The following ROBO2 variants were observed in gnomAD, a reference collection of about 807,000 sequenced individuals.
ROBO2 encodes roundabout guidance receptor 2.
A neutral mutation model predicts 160.8 loss-of-function variants in ROBO2; 53 were observed. That is an observed-to-expected ratio of 0.33 (90% CI 0.26 to 0.41). The LOEUF (loss-of-function observed/expected upper bound fraction) is 0.41, where lower values mean the gene tolerates loss of function less well. Ranked by LOEUF, ROBO2 falls within the 10% of genes least tolerant of loss-of-function variation. ROBO2 has a pLI of 1.00. For missense variants in ROBO2, 1,577 were observed against 1,722.4 expected (o/e 0.92, Z 1.49); for synonymous variants, 664 against 611.7 (o/e 1.09, Z -1.26).
intron 2 of ROBO2, among the ~76,000 whole-genome samples, chr3:76,914,643 G>C (rs1335196357): frequency 3.9e-5 from 6 of 152,092 alleles, no homozygotes. Context: ...GCTGAGTGCA[G>C]TTATTGGGAC....
At chr3:77,455,308 T>C (rs1431947661) in intron 2 of ROBO2, among the ~76,000 whole-genome samples, 2 of 152,142 alleles carry the variant, frequency 1.3e-5, no homozygotes, top group Non-Finnish European at 2.9e-5. Flanking sequence ...AACTTTTAAG[T>C]TACGCTAATG....
At chr3:76,926,939 GA>G (rs533495661) in intron 2 of ROBO2, among the ~76,000 whole-genome samples, 1 of 151,176 alleles carries the variant, frequency 6.6e-6, no homozygotes, top group African/African-American at 2.4e-5. Flanking sequence ...AATAATGGTG[GA>G]AAAAAATTGT....
intron 2 of ROBO2, among the ~76,000 whole-genome samples, chr3:77,015,487 C>T (rs1486289625): frequency 6.6e-6 from 1 of 152,142 alleles, no homozygotes; most frequent in African/African-American, 2.4e-5. Context: ...AAATATTTAA[C>T]CTATAACCAT....
chr3:77,512,208 A>G (rs1470176187), intron 5 of ROBO2, among the ~76,000 whole-genome samples: 5 of 151,972 alleles, frequency 3.3e-5, no homozygotes, highest in African/African-American at 7.2e-5. Flanking sequence ...ATTGAAGATT[A>G]AGAAAGCATC....
At chr3:77,403,573 A>AGT (rs57545425) in intron 2 of ROBO2, among the ~76,000 whole-genome samples, 2,951 of 129,300 alleles carry the variant, frequency 0.023, 40 homozygotes, top group South Asian at 0.03. Context: ...TAGTTATTTC[A>AGT]GTGTGTGTGT....
chr3:76,299,011 GT>G (rs1387840466), intron 2 of ROBO2, among the ~76,000 whole-genome samples: 3 of 152,122 alleles, frequency 2.0e-5, no homozygotes, highest in Non-Finnish European at 4.4e-5. Context: ...TCACCCATTT[GT>G]TTAACAAATA....
At chr3:76,868,533 T>C (rs540216286) in intron 2 of ROBO2, among the ~76,000 whole-genome samples, 16 of 152,332 alleles carry the variant, frequency 1.1e-4, no homozygotes, top group African/African-American at 3.6e-4. Flanking sequence ...AATAAAAAAT[T>C]GCATGGGTAA....
At chr3:76,867,528 A>G (rs1228967094) in intron 2 of ROBO2, among the ~76,000 whole-genome samples, 4 of 152,314 alleles carry the variant, frequency 2.6e-5, no homozygotes, top group Non-Finnish European at 4.4e-5. Flanking sequence ...CTAAAGCTCA[A>G]TTTGGGGACA....
intron 2 of ROBO2, among the ~76,000 whole-genome samples, chr3:76,105,399 C>CTGTA (rs2069878920): frequency 6.6e-6 from 1 of 152,120 alleles, no homozygotes. Flanking sequence ...ACATGTTGAA[C>CTGTA]TGTAGTAAGA....
chr3:77,301,851 A>G (rs2062684374), intron 2 of ROBO2, among the ~76,000 whole-genome samples: 1 of 151,212 alleles, frequency 6.6e-6, no homozygotes, highest in South Asian at 2.1e-4. Flanking sequence ...CCTCAGAGAA[A>G]TTACTTGACC....
intron 2 of ROBO2, among the ~76,000 whole-genome samples, chr3:76,418,171 C>G (rs2075830572): frequency 2.0e-5 from 3 of 151,490 alleles, no homozygotes; most frequent in Admixed American, 1.3e-4. Context: ...AATTATATAA[C>G]TAGGGACTTG....
chr3:77,508,968 A>G (rs933271523), intron 5 of ROBO2, among the ~76,000 whole-genome samples: 1 of 152,042 alleles, frequency 6.6e-6, no homozygotes, highest in African/African-American at 2.4e-5. Flanking sequence ...GCTTCAACAA[A>G]ACACAGATTA....
intron 2 of ROBO2, among the ~76,000 whole-genome samples, chr3:76,203,774 C>T (rs113899247): frequency 2.0e-5 from 3 of 150,760 alleles, no homozygotes; most frequent in African/African-American, 7.3e-5. Flanking sequence ...AGGCTAGCGG[C>T]TTCCCGGTCA....
chr3:75,976,966 A>G (rs753495398), intron 2 of ROBO2, among the ~76,000 whole-genome samples: 7 of 151,552 alleles, frequency 4.6e-5, no homozygotes, highest in South Asian at 2.1e-4. Flanking sequence ...TATCAAGGAA[A>G]TTGCTTAGTG....
chr3:77,348,536 G>A (rs970564863), intron 2 of ROBO2, among the ~76,000 whole-genome samples: 5 of 152,112 alleles, frequency 3.3e-5, no homozygotes, highest in Admixed American at 6.5e-5. Flanking sequence ...GACTTAGAAT[G>A]ACTAACTGTA....
Position 77,332,552 on chromosome 3 carries a change from C to T in ROBO2, c.389-144862C>T, listed in dbSNP as rs141196860. Among the ~76,000 whole-genome samples the T allele has an allele frequency of 2.1e-3, 327 of 152,118 alleles. 3 individuals are homozygous for T. Among genetic ancestry groups the T allele is most frequent in the African/African-American group, 6.7e-3 (276 of 41,484 alleles). The stretch of plus-strand genomic sequence containing the variant: ...CAGTATGTTGCATAACTTAGTGTGA[C>T]GCAGTTATATAAGTTATGCACATAA... On this transcript the variant is annotated intron_variant, in intron 2 of 25. Transcript: ENST00000461745.
At chr3:76,845,916 A>G (rs2148501297) in intron 2 of ROBO2, among the ~76,000 whole-genome samples, 1 of 152,208 alleles carries the variant, frequency 6.6e-6, no homozygotes, top group Non-Finnish European at 1.5e-5. Context: ...TCCCAATTCA[A>G]TCATCAAAGT....
intron 2 of ROBO2, among the ~76,000 whole-genome samples, chr3:76,047,394 C>A (rs2067486472): frequency 6.6e-6 from 1 of 152,342 alleles, no homozygotes; most frequent in South Asian, 2.1e-4. Context: ...TTCTCCATTT[C>A]TCTCTGTCTG....
At chr3:77,572,971 GT>G (rs2093675358) in intron 13 of ROBO2, among the ~76,000 whole-genome samples, 1 of 151,912 alleles carries the variant, frequency 6.6e-6, no homozygotes, top group African/African-American at 2.4e-5. Context: ...AAAGAAATTT[GT>G]TTAAAGCTGA....
Sources: gnomAD v4.1 joint callset for allele counts (sites outside exome capture counted in the v4.1 genomes callset) on GRCh38, gnomAD v4.1.1 for gene constraint, MANE v1.5 for transcripts, NCBI Gene and HGNC (gene_info 2026-07-23, HGNC 2026-07-21) for gene names.